CDCA8: variants seen among roughly 807,000 people sequenced by gnomAD.
CDCA8 encodes cell division cycle associated 8.
A neutral mutation model predicts 40.0 loss-of-function variants in CDCA8; 25 were observed. The observed-to-expected ratio is 0.63, with a 90% CI of 0.46 to 0.87. The LOEUF (loss-of-function observed/expected upper bound fraction) is 0.87. Ranked by LOEUF, CDCA8 falls within the 40% of genes least tolerant of loss-of-function variation. CDCA8 has a pLI of 0.00. For missense variants in CDCA8, 280 were observed against 348.4 expected (o/e 0.80, Z 1.56); for synonymous variants, 111 against 126.5 (o/e 0.88, Z 0.82).
chr1:37,702,628 G>A (rs550623330), intron 6 of CDCA8, among the ~76,000 whole-genome samples: 61 of 152,176 alleles, frequency 4.0e-4, no homozygotes, highest in African/African-American at 1.2e-3. Flanking sequence ...GGGAGCCTTC[G>A]CATGAAGAGG....
At position 37,692,790 on chromosome 1, in the gene CDCA8, G is replaced by A. The variant is rs997700945; in HGVS notation, c.94+6G>A. The A allele has an allele frequency of 6.2e-7, 1 of 1,613,164 alleles. No individual in the cohort carries two copies. Among genetic ancestry groups the A allele is most frequent in the Non-Finnish European group, 8.5e-7 (1 of 1,179,436 alleles). On this transcript the variant is annotated splice_donor_region_variant and intron_variant, in intron 1 of 9. Transcript: ENST00000373055. ...GAAAGACTTCGACCGTGAAGGTAAG[G>A]GGCCAGGCCGTCGCGGCCTCCTGGG... is the stretch of plus-strand genomic sequence containing the variant.
At chr1:37,704,256 G>A (rs1382791830) in intron 7 of CDCA8, among the ~76,000 whole-genome samples, 2 of 152,242 alleles carry the variant, frequency 1.3e-5, no homozygotes, top group African/African-American at 4.8e-5. Context: ...TTTTAAAGAT[G>A]AGTAGGCACT....
At chr1:37,705,327 AG>A in intron 7 of CDCA8, 113 bp from the exon 8 acceptor site, 1 of 870,786 alleles carries the variant, frequency 1.1e-6, no homozygotes, top group Non-Finnish European at 1.8e-6. Context: ...GTGCTTTCTT[AG>A]GAATGTATGA....
chr1:37,701,907 CTGG>C, intron 6 of CDCA8, 89 bp downstream of exon 6: 2 of 961,726 alleles, frequency 2.1e-6, no homozygotes, highest in Admixed American at 3.8e-5. Flanking sequence ...TGAAAAGGCT[CTGG>C]TGGCTAGTGT....
chr1:37,706,589 C>T (rs902840717), intron 8 of CDCA8, among the ~76,000 whole-genome samples: 7 of 152,178 alleles, frequency 4.6e-5, no homozygotes, highest in Admixed American at 2.6e-4. Flanking sequence ...CCGAGGTATG[C>T]GCTTAGTCTA....
rs764120288 is a variant in CDCA8, at chr1:37,692,906, G to A, written c.96G>A (p.Val32=). The A allele has an allele frequency of 6.2e-7, 1 of 1,614,036 alleles. No homozygotes were observed. The highest frequency in any genetic ancestry group is 8.5e-7 in the Non-Finnish European group (1 of 1,180,006). The part of the protein sequence containing the change: ...ASFLKDFDRE[V]EIRIKQIESD... Reference sequence around the variant, plus strand: ...CCTGTCGGCTCTGCCCTCCCGCAGTGGAAATACGAATCAAGCAAATTGAGT... The same window carrying A: ...CCTGTCGGCTCTGCCCTCCCGCAGTAGAAATACGAATCAAGCAAATTGAGT... Residue 32 remains valine (V), a splice_region_variant and synonymous_variant, in exon 2 of 10, where the codon GTG becomes GTA. Transcript: ENST00000373055.
intron 2 of CDCA8, among the ~76,000 whole-genome samples, chr1:37,693,783 CAGAT>C (rs1233675367): frequency 2.0e-5 from 3 of 152,138 alleles, no homozygotes; most frequent in African/African-American, 7.2e-5. Context: ...AACCAGAGCT[CAGAT>C]AGAAGAATAA....
chr1:37,701,951 G>C (rs1469736350), intron 6 of CDCA8, 133 bp downstream of exon 6: 1 of 651,584 alleles, frequency 1.5e-6, no homozygotes, highest in East Asian at 2.8e-5. Flanking sequence ...CTGAATCCTT[G>C]AGTATCCAAG....
rs1253016021 is a variant in CDCA8, at chr1:37,708,888, G to C, written c.*522G>C. 1 of 165,534 alleles carries C rather than the reference G, an allele frequency of 6.0e-6. No homozygotes were observed. The highest frequency in any genetic ancestry group is 5.7e-5 in the Admixed American group (1 of 17,564). 10.3% of individuals were successfully genotyped at this position (165,534 alleles called of 1,614,324 possible). On this transcript the variant is annotated 3_prime_UTR_variant, in exon 10 of 10. Transcript: ENST00000373055. ...GGGAACTGTACAGATCAGCAGAGCA[G>C]GACAGTTGGCAGCAGTGACCTCAGT...
intron 2 of CDCA8, among the ~76,000 whole-genome samples, chr1:37,693,849 C>G (rs1453392170): frequency 6.6e-6 from 1 of 152,102 alleles, no homozygotes; most frequent in African/African-American, 2.4e-5. Flanking sequence ...TAAAAATGGG[C>G]GCATCAGGCT....
chr1:37,699,589 AGGAAAG>A (rs796083937), intron 4 of CDCA8, among the ~76,000 whole-genome samples: 91 of 2,338 alleles, frequency 0.039, no homozygotes, highest in Middle Eastern at 0.12. Flanking sequence ...AAAGAAAGAA[AGGAAAG>A]GAAAGGAAAG....
rs1053100398 is a variant in CDCA8, at chr1:37,693,863, C to T, written c.223+830C>T. ...CTAAAAATGGGCGCATCAGGCTGGG[C>T]GTGGTGGCTCACGCCTGTAATCCCA... On this transcript the variant is annotated intron_variant, in intron 2 of 9. Transcript: ENST00000373055. Among the ~76,000 whole-genome samples, 17 of 151,896 alleles carry T rather than the reference C, an allele frequency of 1.1e-4. No homozygotes were observed. The East Asian group carries it at 2.7e-3, about 24-fold the overall frequency.
intron 7 of CDCA8, among the ~76,000 whole-genome samples, chr1:37,704,360 A>G (rs539937853): frequency 1.3e-5 from 2 of 152,338 alleles, no homozygotes; most frequent in East Asian, 1.9e-4. Flanking sequence ...AATACCTTCC[A>G]AAGAACCTAG....
Position 37,705,516 on chromosome 1 carries a change from T to A in CDCA8, c.660T>A (p.Pro220=). 1 of 1,613,910 alleles carries A rather than the reference T, an allele frequency of 6.2e-7. No individual in the cohort carries two copies. Among genetic ancestry groups the A allele is most frequent in the East Asian group, 2.2e-5 (1 of 44,882 alleles). ...ACAACATCTCAGGGAATGGCAGCCC[T>A]CTTGCTGACAGCAAAGAGATCTTCC... is the stretch of plus-strand genomic sequence containing the variant. ...RIYNISGNGS[P]LADSKEIFLT... Residue 220 remains proline (P), a synonymous_variant, in exon 8 of 10, where the codon CCT becomes CCA. Coordinates refer to ENST00000373055, the MANE Select transcript of CDCA8 (RefSeq NM_001256875.2).
Position 37,692,792 on chromosome 1 carries a change from G to T in CDCA8, c.94+8G>T. 1 of 1,613,160 alleles carries T rather than the reference G, an allele frequency of 6.2e-7. No homozygotes were observed. On this transcript the variant is annotated splice_region_variant and intron_variant, in intron 1 of 9. Transcript: ENST00000373055. ...AAGACTTCGACCGTGAAGGTAAGGGGCCAGGCCGTCGCGGCCTCCTGGGGC... is the reference window on the plus strand; with the variant it reads ...AAGACTTCGACCGTGAAGGTAAGGGTCCAGGCCGTCGCGGCCTCCTGGGGC...
At chr1:37,703,645 G>A (rs945175887) in intron 7 of CDCA8, among the ~76,000 whole-genome samples, 1 of 152,190 alleles carries the variant, frequency 6.6e-6, no homozygotes, top group Non-Finnish European at 1.5e-5. Context: ...GAACCCAGGA[G>A]GTGGAGGTTG....
intron 7 of CDCA8, among the ~76,000 whole-genome samples, chr1:37,703,561 CA>C (rs1244509020): frequency 1.3e-5 from 2 of 152,084 alleles, no homozygotes; most frequent in Non-Finnish European, 2.9e-5. Context: ...ACTAAAAATA[CA>C]AAAATTAGTT....
chr1:37,697,117 G>A (rs1205200313), intron 3 of CDCA8, among the ~76,000 whole-genome samples: 1 of 152,158 alleles, frequency 6.6e-6, no homozygotes, highest in Non-Finnish European at 1.5e-5. Flanking sequence ...TTCTAGCCTT[G>A]ACTAATATGA....
chr1:37,692,575 G>A lies in CDCA8; in HGVS notation c.-116G>A. On this transcript the variant is annotated 5_prime_UTR_variant, in exon 1 of 10. Transcript: ENST00000373055. ...TTTGCTCAGCCCTTGTCTCGGGACC[G>A]CAGGTACGTGCCTGGCGACTTCTTC... 1 of 784,674 alleles carries A rather than the reference G, an allele frequency of 1.3e-6. No individual in the cohort carries two copies. Among genetic ancestry groups the A allele is most frequent in the Non-Finnish European group, 2.2e-6 (1 of 456,414 alleles). The allele number at this position is 784,674 out of a possible 1,614,324, so 48.6% of individuals were successfully genotyped here.
Sources: allele counts gnomAD v4.1 joint callset (sites outside exome capture counted in the v4.1 genomes callset), GRCh38; gene constraint gnomAD v4.1.1; transcripts MANE v1.5; gene names NCBI Gene and HGNC (gene_info 2026-07-23, HGNC 2026-07-21).